Variants in SND1 observed in about 807,000 individuals in gnomAD.
SND1 encodes staphylococcal nuclease and tudor domain containing 1.
SND1 carries 38 observed loss-of-function variants against 121.7 expected under a neutral mutation model. That is an observed-to-expected ratio of 0.31 (90% CI 0.24 to 0.41). The LOEUF (loss-of-function observed/expected upper bound fraction) is 0.41. SND1 is among the 10% of genes least tolerant of loss of function. SND1 has a pLI of 1.00. For synonymous variants in SND1, 401 were observed against 447.4 expected (o/e 0.90, Z 1.31); for missense variants, 868 against 1,184.6 (o/e 0.73, Z 3.92).
At chr7:127,772,336 A>G (rs963919863) in intron 10 of SND1, among the ~76,000 whole-genome samples, 1 of 152,194 alleles carries the variant, frequency 6.6e-6, no homozygotes, top group Non-Finnish European at 1.5e-5. Context: ...TAATTCGGTA[A>G]GAATATTTGC....
chr7:127,764,911 A>C (rs1271202980), intron 10 of SND1, among the ~76,000 whole-genome samples: 2 of 152,188 alleles, frequency 1.3e-5, no homozygotes, highest in Non-Finnish European at 2.9e-5. Flanking sequence ...AGTGGAAGCT[A>C]AAATTTCAGG....
rs756388268 is a variant in SND1, at chr7:128,015,286, A to T, written c.1779+24230A>T. On this transcript the variant is annotated intron_variant, in intron 16 of 23. Transcript: ENST00000354725. This position sits in a 1 kb window ranked among gnomAD's most constrained non-coding sequence, Gnocchi z 4.5. ...GACCGCTCTTAGTTCATGTTCTGGC[A>T]TATTAATCAGGGTGACATGATAAAA... Among the ~76,000 whole-genome samples the T allele has an allele frequency of 1.3e-4, 20 of 152,226 alleles. No homozygotes were observed. Among genetic ancestry groups the T allele is most frequent in the Non-Finnish European group, 2.5e-4 (17 of 68,042 alleles).
intron 13 of SND1, 23 bp from the exon 14 acceptor site, chr7:127,904,724 G>T: frequency 6.4e-7 from 1 of 1,556,804 alleles, no homozygotes; most frequent in Non-Finnish European, 8.9e-7. Context: ...GTTTTAATCG[G>T]TTTTTCTCTT....
chr7:127,958,055 C>T (rs1019882458), intron 15 of SND1, among the ~76,000 whole-genome samples: 6 of 152,292 alleles, frequency 3.9e-5, no homozygotes, highest in Admixed American at 3.9e-4. Flanking sequence ...TTCTTCAGCT[C>T]ATGCAGGTGT....
chr7:127,867,542 A>G (rs1262877370), intron 12 of SND1, among the ~76,000 whole-genome samples: 1 of 152,098 alleles, frequency 6.6e-6, no homozygotes, highest in African/African-American at 2.4e-5. Context: ...TGGTGTCACC[A>G]TTTACATAGT....
At chr7:127,763,168 T>A (rs568909268) in intron 10 of SND1, among the ~76,000 whole-genome samples, 1 of 152,194 alleles carries the variant, frequency 6.6e-6, no homozygotes, top group Non-Finnish European at 1.5e-5. Context: ...ATAATTCTGG[T>A]ATAAAATATA....
chr7:127,984,445 T>C (rs1459935038), intron 15 of SND1, among the ~76,000 whole-genome samples: 1 of 152,238 alleles, frequency 6.6e-6, no homozygotes, highest in Non-Finnish European at 1.5e-5. Flanking sequence ...CCTTTCCTGG[T>C]ATTTGCATAA....
intron 10 of SND1, among the ~76,000 whole-genome samples, chr7:127,734,457 G>A (rs1006248462): frequency 4.6e-5 from 7 of 152,134 alleles, no homozygotes; most frequent in Admixed American, 2.0e-4. Flanking sequence ...TTAGATCTGG[G>A]GTCACACCTC....
intron 15 of SND1, among the ~76,000 whole-genome samples, chr7:127,956,244 G>A (rs183087581): frequency 2.0e-4 from 30 of 152,214 alleles, no homozygotes; most frequent in Non-Finnish European, 4.0e-4. Context: ...GATCTCCTGC[G>A]AAGTCTCTGC....
intron 14 of SND1, among the ~76,000 whole-genome samples, chr7:127,910,151 T>C (rs1324779642): frequency 6.6e-6 from 1 of 152,080 alleles, no homozygotes; most frequent in Non-Finnish European, 1.5e-5. Context: ...AAAGAGAGTT[T>C]TAAAAAGCCC....
At chr7:128,039,676 A>T (rs1321762925) in intron 16 of SND1, among the ~76,000 whole-genome samples, 2 of 152,182 alleles carry the variant, frequency 1.3e-5, no homozygotes, top group Non-Finnish European at 2.9e-5. Flanking sequence ...AGGTGCACAA[A>T]TACACATTAT....
intron 12 of SND1, among the ~76,000 whole-genome samples, chr7:127,859,133 G>A (rs909043421): frequency 1.3e-5 from 2 of 152,062 alleles, no homozygotes; most frequent in Non-Finnish European, 1.5e-5. Flanking sequence ...TGGGGGGGTG[G>A]TTTTGTTTTG....
At chr7:127,724,505 G>A (rs1416641789) in intron 10 of SND1, among the ~76,000 whole-genome samples, 1 of 152,196 alleles carries the variant, frequency 6.6e-6, no homozygotes, top group Non-Finnish European at 1.5e-5. Context: ...TACTCAGGAA[G>A]GGAGAGAGAA....
intron 9 of SND1, among the ~76,000 whole-genome samples, chr7:127,720,050 T>C (rs1011794879): frequency 5.9e-5 from 9 of 152,188 alleles, no homozygotes; most frequent in Non-Finnish European, 1.2e-4. Context: ...TTGGAAAAGG[T>C]AGAGAATTGC....
chr7:128,014,326 A>T (rs750803628), intron 16 of SND1, among the ~76,000 whole-genome samples: 2 of 152,076 alleles, frequency 1.3e-5, no homozygotes, highest in Non-Finnish European at 2.9e-5. Context: ...ATGTTTTTTA[A>T]AGCATTGAAG....
At chr7:127,757,088 C>T (rs1373749526) in intron 10 of SND1, among the ~76,000 whole-genome samples, 1 of 152,174 alleles carries the variant, frequency 6.6e-6, no homozygotes, top group Non-Finnish European at 1.5e-5. Context: ...AAATTTCCCT[C>T]ATGTCCATTT....
chr7:127,727,928 T>G (rs1298331560), intron 10 of SND1, among the ~76,000 whole-genome samples: 7 of 152,178 alleles, frequency 4.6e-5, no homozygotes, highest in African/African-American at 1.4e-4. Flanking sequence ...GATTAATATC[T>G]GGGTACCAAC....
intron 10 of SND1, among the ~76,000 whole-genome samples, chr7:127,753,464 T>A (rs921768253): frequency 6.6e-6 from 1 of 151,932 alleles, no homozygotes; most frequent in Non-Finnish European, 1.5e-5. Flanking sequence ...TTTTTTTTTT[T>A]AAATGAAAGG....
chr7:127,974,000 G>A (rs897087761), intron 15 of SND1, among the ~76,000 whole-genome samples: 1 of 152,196 alleles, frequency 6.6e-6, no homozygotes, highest in African/African-American at 2.4e-5. Context: ...GCTCTGCAGA[G>A]TCTCAGTAGC....
Sources: allele counts gnomAD v4.1 joint callset (sites outside exome capture counted in the v4.1 genomes callset), GRCh38; gene constraint gnomAD v4.1.1; non-coding constraint Gnocchi (gnomAD v3.1); transcripts MANE v1.5; gene names NCBI Gene and HGNC (gene_info 2026-07-23, HGNC 2026-07-21).